The following TMEM119 variants were observed in gnomAD, a reference collection of about 807,000 sequenced individuals.
TMEM119 encodes the protein transmembrane protein 119, also known as osteoblast induction factor.
For synonymous variants in TMEM119, 182 were observed against 176.4 expected (o/e 1.03, Z -0.25); for missense variants, 410 against 381.0 (o/e 1.08, Z -0.63).
At chr12:108,593,192 C>T (rs1456152757) in intron 1 of TMEM119, among the ~76,000 whole-genome samples, 1 of 152,124 alleles carries the variant, frequency 6.6e-6, no homozygotes, top group Admixed American at 6.5e-5. Context: ...GCCTGTAATC[C>T]CAGCACTTTG....
At chr12:108,593,072 G>C (rs1020800175) in intron 1 of TMEM119, among the ~76,000 whole-genome samples, 4 of 152,160 alleles carry the variant, frequency 2.6e-5, no homozygotes, top group African/African-American at 9.7e-5. Context: ...GGCCAAAGTG[G>C]CTCCGCGCGG....
At chr12:108,597,768 C>T (rs919449033) in intron 1 of TMEM119, among the ~76,000 whole-genome samples, 10 of 152,108 alleles carry the variant, frequency 6.6e-5, no homozygotes, top group South Asian at 2.1e-4. Flanking sequence ...CGCACACACA[C>T]AACACTCCGG....
chr12:108,591,772 G>T lies in TMEM119; in HGVS notation c.612C>A (p.Gly204=). ...GGCTGCCCTTCTCCTCTTCCTCTGC[G>T]CCCCTGCCCTCCACCATCCTGGCTC... ...GDGARMVEGR[G]AEEEEKGSQE... Residue 204 remains glycine (G), a synonymous_variant, in exon 2 of 2, where the codon GGC becomes GGA. Transcript: ENST00000392806. This position sits in a 1 kb window ranked among gnomAD's most constrained non-coding sequence, Gnocchi z 4.2. 1.3e-6 allele frequency: 2 copies of T among 1,594,120 alleles called. No homozygotes were observed. The highest frequency in any genetic ancestry group is 1.1e-5 in the South Asian group (1 of 88,654).
intron 1 of TMEM119, among the ~76,000 whole-genome samples, chr12:108,597,759 G>GCA (rs1321519688): frequency 6.6e-6 from 1 of 151,772 alleles, no homozygotes. Context: ...GGCCCCAGCC[G>GCA]CACACACACA....
Position 108,591,477 on chromosome 12 carries a change from G to A in TMEM119, c.*55C>T, listed in dbSNP as rs916498875. On this transcript the variant is annotated 3_prime_UTR_variant, in exon 2 of 2. Transcript: ENST00000392806. This position sits in a 1 kb window ranked among gnomAD's most constrained non-coding sequence, Gnocchi z 4.2. Reference sequence around the variant, plus strand: ...CAGGGCTGAAGGCCTTTTCATACACGGGGAGGTGACCACTTGGGGGCCCGA... The same window carrying A: ...CAGGGCTGAAGGCCTTTTCATACACAGGGAGGTGACCACTTGGGGGCCCGA... The A allele has an allele frequency of 3.2e-5, 48 of 1,518,074 alleles. No homozygotes were observed. Among genetic ancestry groups the A allele is most frequent in the Admixed American group, 4.3e-5 (2 of 46,940 alleles). The allele number at this position is 1,518,074 out of a possible 1,614,324, so 94.0% of individuals were successfully genotyped here.
chr12:108,594,022 G>T, intron 1 of TMEM119: 1 of 152,478 alleles, frequency 6.6e-6, no homozygotes, highest in Non-Finnish European at 1.5e-5. Context: ...AGAAGGCAAA[G>T]GGCAGGCCCA....
rs1375530573 is a variant in TMEM119, at chr12:108,591,997, T to C, written c.387A>G (p.Pro129=). The part of the protein sequence containing the change: ...RQKQKASAYY[P]SSFPKKKYVD... The stretch of plus-strand genomic sequence containing the variant: ...CGTACTTCTTCTTGGGGAAGGACGA[T>C]GGGTAATAGGCCGAGGCCTTCTGCT... The change falls in exon 2 of 2, where the codon CCA becomes CCG. Residue 129 remains proline (P), a synonymous_variant. Transcript: ENST00000392806. The surrounding 1 kb of genome is among the most constrained non-coding windows in gnomAD (Gnocchi z 4.2). 2.5e-6 allele frequency: 4 copies of C among 1,613,680 alleles called. No homozygotes were observed. In the African/African-American group the frequency reaches 4.0e-5, roughly 16 times the overall value.
At chr12:108,597,252 G>A (rs553190752) in intron 1 of TMEM119, among the ~76,000 whole-genome samples, 2 of 152,240 alleles carry the variant, frequency 1.3e-5, no homozygotes, top group East Asian at 3.9e-4. Context: ...AGGGGACCGG[G>A]GGCTGCCCCA....
chr12:108,597,430 G>T (rs2031521083), intron 1 of TMEM119, among the ~76,000 whole-genome samples: 1 of 151,386 alleles, frequency 6.6e-6, no homozygotes, highest in Non-Finnish European at 1.5e-5. Context: ...TGGATGGGGA[G>T]GGGGGTCCTG....
rs2031435749 is a variant in TMEM119, at chr12:108,592,713, T to C, written c.-14-316A>G. On this transcript the variant is annotated intron_variant, in intron 1 of 1. Coordinates refer to ENST00000392806, the MANE Select transcript of TMEM119 (RefSeq NM_181724.3). The surrounding 1 kb of genome is among the most constrained non-coding windows in gnomAD (Gnocchi z 4.3). ...CGTGGCTGAATTAATAATGATAATT[T>C]ACACTTTCATGACTTTATGTGTCAG... 6.6e-6 allele frequency among the ~76,000 whole-genome samples: 1 copy of C among 152,168 alleles called. No individual in the cohort carries two copies.
rs370473361 is a variant in TMEM119 at position 108,591,850 on chromosome 12, G to A, written c.534C>T (p.Ala178=). 1.0e-4 allele frequency: 162 copies of A among 1,604,220 alleles called. No homozygotes were observed. The South Asian group carries it at 1.2e-3, about 12-fold the overall frequency. The change falls in exon 2 of 2, where the codon GCC becomes GCT. Residue 178 remains alanine, a synonymous_variant. Transcript: ENST00000392806. The surrounding 1 kb of genome is among the most constrained non-coding windows in gnomAD (Gnocchi z 4.2). ...TGGGGGACTTGAGGTTCTGGGTGGC[G>A]GCCAAGATGTCGGCCTGGAGCTGCC... ...SSRQLQADIL[A]ATQNLKSPTR...
chr12:108,592,984 A>G lies in TMEM119; in HGVS notation c.-14-587T>C, dbSNP rs1592806080. 6.7e-6 allele frequency among the ~76,000 whole-genome samples: 1 copy of G among 148,962 alleles called. No homozygotes were observed. The highest frequency in any genetic ancestry group is 6.7e-5 in the Admixed American group (1 of 14,864). On this transcript the variant is annotated intron_variant, in intron 1 of 1. Coordinates refer to ENST00000392806, the MANE Select transcript of TMEM119 (RefSeq NM_181724.3). The surrounding 1 kb of genome is among the most constrained non-coding windows in gnomAD (Gnocchi z 4.3). ...AGTGACACCTCACCCCCTACCCACAACTCTGGGACCCTTCCCTTCAGTCCC... is the reference window on the plus strand; with the variant it reads ...AGTGACACCTCACCCCCTACCCACAGCTCTGGGACCCTTCCCTTCAGTCCC...
chr12:108,592,449 G>T lies in TMEM119; in HGVS notation c.-14-52C>A, dbSNP rs2031430772. ...TCATGGCGGAACTCTAGAGTGTCAG[G>T]ATTCAGAAACAGGCTCACCAGCCCC... On this transcript the variant is annotated intron_variant, in intron 1 of 1. Coordinates refer to ENST00000392806, the MANE Select transcript of TMEM119 (RefSeq NM_181724.3). The surrounding 1 kb of genome is among the most constrained non-coding windows in gnomAD (Gnocchi z 4.3). The T allele has an allele frequency of 3.4e-6, 5 of 1,489,002 alleles. No individual in the cohort carries two copies. The highest frequency in any genetic ancestry group is 1.4e-5 in the African/African-American group (1 of 71,306). 92.2% of individuals were successfully genotyped at this position (1,489,002 alleles called of 1,614,324 possible).
chr12:108,597,608 A>G (rs1405525630), intron 1 of TMEM119, among the ~76,000 whole-genome samples: 2 of 152,050 alleles, frequency 1.3e-5, no homozygotes, highest in East Asian at 3.9e-4. Context: ...CACACAACAC[A>G]TATACATACA....
At chr12:108,596,083 A>T (rs980969782) in intron 1 of TMEM119, among the ~76,000 whole-genome samples, 3 of 152,158 alleles carry the variant, frequency 2.0e-5, no homozygotes, top group African/African-American at 4.8e-5. Context: ...AGCACCTCTC[A>T]GAGCTGTTAG....
chr12:108,592,020 G>T lies in TMEM119; in HGVS notation c.364C>A (p.Gln122Lys). Residue 122 changes from glutamine (Q) to lysine (K), a missense_variant, in exon 2 of 2, where the codon CAG (glutamine) becomes AAG (lysine). Transcript: ENST00000392806. This position sits in a 1 kb window ranked among gnomAD's most constrained non-coding sequence, Gnocchi z 4.3. ...GATGGGTAATAGGCCGAGGCCTTCT[G>T]CTTCTGCCGGGTGATGACCGCGGCA... ...VCAAVITRQKQKASAYYPSSF... is the reference protein window; with the variant it reads ...VCAAVITRQKKKASAYYPSSF... 1.2e-6 allele frequency: 2 copies of T among 1,614,136 alleles called. No individual in the cohort carries two copies. The highest frequency in any genetic ancestry group is 1.1e-5 in the South Asian group (1 of 91,084).
rs774669333 is a variant in TMEM119 at position 108,591,860 on chromosome 12, T to A, written c.524A>T (p.Asp175Val). The A allele has an allele frequency of 4.5e-5, 73 of 1,606,040 alleles. No individual in the cohort carries two copies. The highest frequency in any genetic ancestry group is 5.9e-5 in the Non-Finnish European group (70 of 1,176,494). ...GAGGTTCTGGGTGGCGGCCAAGATG[T>A]CGGCCTGGAGCTGCCGGGAGGAATC... Reference protein sequence around the residue: ...ALDSSRQLQADILAATQNLKS... With the variant: ...ALDSSRQLQAVILAATQNLKS... The change falls in exon 2 of 2, where the codon GAC (aspartate) becomes GTC (valine). Residue 175 changes from aspartate to valine, a missense_variant. Transcript: ENST00000392806. The surrounding 1 kb of genome is among the most constrained non-coding windows in gnomAD (Gnocchi z 4.2).
chr12:108,597,523 C>T (rs954479026), intron 1 of TMEM119, among the ~76,000 whole-genome samples: 1 of 151,790 alleles, frequency 6.6e-6, no homozygotes, highest in African/African-American at 2.4e-5. Context: ...ACAGGCACAC[C>T]GACTCACACA....
chr12:108,593,836 C>T (rs748120527), intron 1 of TMEM119, among the ~76,000 whole-genome samples: 1 of 152,248 alleles, frequency 6.6e-6, no homozygotes, highest in Non-Finnish European at 1.5e-5. Context: ...TGGGGGCTCC[C>T]AGCTGCTCAA....
Sources: gnomAD v4.1 joint callset for allele counts (sites outside exome capture counted in the v4.1 genomes callset) on GRCh38, gnomAD v4.1.1 for gene constraint, Gnocchi (gnomAD v3.1) non-coding constraint, MANE v1.5 for transcripts, NCBI Gene and HGNC (gene_info 2026-07-23, HGNC 2026-07-21) for gene names.